The following RALGPS2 variants were observed in gnomAD, a reference collection of about 807,000 sequenced individuals.
RALGPS2 encodes the protein ras-specific guanine nucleotide-releasing factor RalGPS2.
RALGPS2 carries 43 observed loss-of-function variants against 86.8 expected under a neutral mutation model. The ratio of observed to expected loss-of-function variants is 0.50; its 90% CI spans 0.39 to 0.64. The LOEUF (loss-of-function observed/expected upper bound fraction) is 0.64. Among genes scored for constraint, RALGPS2 ranks in the 30% least tolerant of loss-of-function variants. RALGPS2 has a pLI of 0.00. For missense variants in RALGPS2, 536 were observed against 694.6 expected (o/e 0.77, Z 2.57); for synonymous variants, 243 against 231.3 (o/e 1.05, Z -0.46).
intron 7 of RALGPS2, among the ~76,000 whole-genome samples, chr1:178,831,962 C>G (rs975822607): frequency 4.6e-5 from 7 of 152,056 alleles, no homozygotes; most frequent in Non-Finnish European, 7.4e-5. Context: ...AGATTAGTTA[C>G]GAGTTCTAAG....
chr1:178,839,314 T>C (rs1325761156), intron 8 of RALGPS2, among the ~76,000 whole-genome samples: 1 of 152,234 alleles, frequency 6.6e-6, no homozygotes, highest in Non-Finnish European at 1.5e-5. Flanking sequence ...AGCAGATCTC[T>C]CTGCAGAAAC....
intron 6 of RALGPS2, among the ~76,000 whole-genome samples, chr1:178,814,664 G>A (rs917542068): frequency 1.3e-5 from 2 of 152,124 alleles, no homozygotes; most frequent in Non-Finnish European, 2.9e-5. Flanking sequence ...TGCCCAGGCT[G>A]GTCTTGAACT....
At chr1:178,793,091 T>G (rs1654036374) in intron 4 of RALGPS2, among the ~76,000 whole-genome samples, 1 of 152,214 alleles carries the variant, frequency 6.6e-6, no homozygotes, top group Non-Finnish European at 1.5e-5. Flanking sequence ...ACTTTAAAAT[T>G]TATTTAAAAG....
Position 178,862,276 on chromosome 1 carries a change from C to T in RALGPS2, c.608-15222C>T, listed in dbSNP as rs78943405. 2.6e-5 allele frequency among the ~76,000 whole-genome samples: 4 copies of T among 152,138 alleles called. No homozygotes were observed. In the East Asian group the frequency reaches 5.8e-4, roughly 22 times the overall value. On this transcript the variant is annotated intron_variant, in intron 8 of 19. Transcript: ENST00000367635. ...AATGAACAAATCCAATATGATATAA[C>T]GTATTAAATTACTTTCATGAGGGTC...
In RALGPS2 at chr1:178,739,585, G is replaced by A. The variant is rs147476262; in HGVS notation, c.-84+14166G>A. Among the ~76,000 whole-genome samples, 905 of 152,266 alleles carry A rather than the reference G, an allele frequency of 5.9e-3. 15 individuals are homozygous for A. Among genetic ancestry groups the A allele is most frequent in the African/African-American group, 0.021 (877 of 41,540 alleles). ...TTGAAGGGTTTGTTTGGGATGTGGC[G>A]GGAAATACAGTACCTTTGATGAGGT... On this transcript the variant is annotated intron_variant, in intron 1 of 19. Transcript: ENST00000367635.
Position 178,845,974 on chromosome 1 carries a change from G to A in RALGPS2, c.607+12424G>A, listed in dbSNP as rs533983910. On this transcript the variant is annotated intron_variant, in intron 8 of 19. Transcript: ENST00000367635. ...GACATTTTTAAAGCATACCTAAAAT[G>A]ATAAGAATCTTACCGATTTGGTTTT... 4.6e-5 allele frequency among the ~76,000 whole-genome samples: 7 copies of A among 152,242 alleles called. No homozygotes were observed. In the South Asian group the frequency reaches 1.2e-3, roughly 27 times the overall value.
intron 19 of RALGPS2, among the ~76,000 whole-genome samples, chr1:178,909,768 G>T (rs1197219931): frequency 2.0e-5 from 3 of 147,486 alleles, no homozygotes; most frequent in East Asian, 4.0e-4. Context: ...TCCTGCCTCA[G>T]TCTCCCGAGT....
At chr1:178,852,649 G>A (rs1657250586) in intron 8 of RALGPS2, 1 of 1,585,120 alleles carries the variant, frequency 6.3e-7, no homozygotes, top group South Asian at 1.1e-5. Context: ...AGAAGGTGAT[G>A]ATTCTACAAA....
intron 1 of RALGPS2, among the ~76,000 whole-genome samples, chr1:178,744,218 T>C (rs540562864): frequency 6.6e-6 from 1 of 152,332 alleles, no homozygotes; most frequent in South Asian, 2.1e-4. Context: ...GCAATCGTTG[T>C]AATTCACTAC....
chr1:178,778,894 G>C (rs1283811289), intron 2 of RALGPS2, among the ~76,000 whole-genome samples: 1 of 152,168 alleles, frequency 6.6e-6, no homozygotes, highest in Non-Finnish European at 1.5e-5. Flanking sequence ...TATGTTCCCT[G>C]TGCATCATAG....
intron 1 of RALGPS2, among the ~76,000 whole-genome samples, chr1:178,772,871 G>A (rs1652872369): frequency 6.6e-6 from 1 of 152,068 alleles, no homozygotes; most frequent in Non-Finnish European, 1.5e-5. Flanking sequence ...GTGCAATCTC[G>A]GCTCACTGCA....
intron 1 of RALGPS2, among the ~76,000 whole-genome samples, chr1:178,776,135 G>A (rs1036220624): frequency 3.3e-5 from 5 of 152,064 alleles, no homozygotes; most frequent in African/African-American, 7.2e-5. Context: ...CTTAAGCATC[G>A]GTGGATTTTG....
At chr1:178,909,685 C>CG (rs1660541880) in intron 19 of RALGPS2, among the ~76,000 whole-genome samples, 1 of 107,990 alleles carries the variant, frequency 9.3e-6, no homozygotes, top group East Asian at 2.8e-4. Context: ...GAGTCTTGCT[C>CG]TGTCTTCAGG....
rs1333283303 is a variant in RALGPS2 at position 178,784,430 on chromosome 1, T to C, written c.70T>C (p.Ser24Pro). The part of the protein sequence containing the change: ...AATASEKSSS[S>P]ESLSDKGSEL... ...TTCACTTTAACAGAAAAGTAGCAGC[T>C]CTGAATCCTTAAGTGACAAAGGCTC... Residue 24 changes from serine (S) to proline (P), a missense_variant, in exon 3 of 20, where the codon TCT (serine) becomes CCT (proline). Physicochemically the swap from Ser to Pro is moderately conservative, Grantham distance 74. Around this residue, in one of 3 missense-constraint regions of RALGPS2, gnomAD observed 43 missense variants for 34.9 expected, o/e 1.23. Transcript: ENST00000367635. The C allele has an allele frequency of 1.1e-5, 18 of 1,600,818 alleles. No homozygotes were observed. The highest frequency in any genetic ancestry group is 1.5e-5 in the Non-Finnish European group (17 of 1,171,742).
At chr1:178,821,996 GA>G (rs1655530577) in intron 7 of RALGPS2, among the ~76,000 whole-genome samples, 1 of 152,076 alleles carries the variant, frequency 6.6e-6, no homozygotes, top group South Asian at 2.1e-4. Flanking sequence ...TCAACTGATG[GA>G]AGGTATGAAT....
At chr1:178,788,819 T>TTTTGTTTTCTTTC (rs1653798785) in intron 4 of RALGPS2, among the ~76,000 whole-genome samples, 1 of 136,436 alleles carries the variant, frequency 7.3e-6, no homozygotes, top group African/African-American at 2.7e-5. Flanking sequence ...TTTTCTTTTC[T>TTTTGTTTTCTTTC]TTTCTTTTGT....
intron 4 of RALGPS2, among the ~76,000 whole-genome samples, chr1:178,796,187 G>T (rs771411528): frequency 7.2e-5 from 11 of 152,134 alleles, no homozygotes; most frequent in Non-Finnish European, 1.5e-4. Flanking sequence ...GAAAGCTCCT[G>T]CCTGTATCTG....
At position 178,919,595 on chromosome 1, in the gene RALGPS2, T is replaced by A. The variant is rs1159353167; in HGVS notation, c.*3236T>A. 6.6e-6 allele frequency: 1 copy of A among 152,078 alleles called. No individual in the cohort carries two copies. Among genetic ancestry groups the A allele is most frequent in the Non-Finnish European group, 1.5e-5 (1 of 67,926 alleles). 9.4% of individuals were successfully genotyped at this position (152,078 alleles called of 1,614,324 possible). ...GCAGCCTGTTGATCTTTTGGCCAAATGACTTGAGCATAAGTCTTTTATTTC... is the reference window on the plus strand; with the variant it reads ...GCAGCCTGTTGATCTTTTGGCCAAAAGACTTGAGCATAAGTCTTTTATTTC... On this transcript the variant is annotated 3_prime_UTR_variant, in exon 20 of 20. Coordinates refer to ENST00000367635, the MANE Select transcript of RALGPS2 (RefSeq NM_152663.5).
At chr1:178,776,082 T>C (rs560418472) in intron 1 of RALGPS2, among the ~76,000 whole-genome samples, 61 of 152,224 alleles carry the variant, frequency 4.0e-4, no homozygotes, top group African/African-American at 1.3e-3. Context: ...TACAAGAGGA[T>C]GTGTATAGGT....
Sources: gnomAD v4.1 joint callset for allele counts (sites outside exome capture counted in the v4.1 genomes callset) on GRCh38, gnomAD v4.1.1 for gene constraint, gnomAD v4.1.1 regional missense constraint, MANE v1.5 for transcripts, NCBI Gene and HGNC (gene_info 2026-07-23, HGNC 2026-07-21) for gene names.